LNPEP: variants seen among roughly 807,000 people sequenced by gnomAD.
LNPEP encodes the protein leucyl-cystinyl aminopeptidase.
A neutral mutation model predicts 120.6 loss-of-function variants in LNPEP; 64 were observed. That is an observed-to-expected ratio of 0.53 (90% CI 0.43 to 0.65). The LOEUF is 0.65. Among genes scored for constraint, LNPEP ranks in the 30% least tolerant of loss-of-function variants. The probability of loss-of-function intolerance (pLI) is 0.00; values close to 1 mark genes in which losing one functional copy is unlikely to be tolerated. For missense variants in LNPEP, 1,057 were observed against 1,200.0 expected (o/e 0.88, Z 1.76); for synonymous variants, 435 against 425.4 (o/e 1.02, Z -0.28).
At chr5:96,968,447 G>C in intron 1 of LNPEP, among the ~76,000 whole-genome samples, 1 of 151,984 alleles carries the variant, frequency 6.6e-6, no homozygotes, top group East Asian at 1.9e-4. Flanking sequence ...GACTTACCCT[G>C]GGGGGAAAGT....
intron 1 of LNPEP, among the ~76,000 whole-genome samples, chr5:96,954,463 G>A (rs1427403310): frequency 6.6e-6 from 1 of 151,822 alleles, no homozygotes; most frequent in Non-Finnish European, 1.5e-5. Flanking sequence ...AATTTGTGGA[G>A]CAAAGACCTG....
At chr5:96,993,776 AG>A in intron 5 of LNPEP, 40 bp from the exon 6 acceptor site, 5 of 1,593,864 alleles carry the variant, frequency 3.1e-6, no homozygotes, top group Non-Finnish European at 4.3e-6. Flanking sequence ...AAAATGCCTA[AG>A]ATGAGGGAAA....
intron 6 of LNPEP, 31 bp from the exon 7 acceptor site, chr5:96,996,359 C>A (rs936280286): frequency 1.7e-6 from 2 of 1,206,676 alleles, no homozygotes; most frequent in Non-Finnish European, 2.4e-6. Flanking sequence ...CTGTAAATAT[C>A]CTGTGGGTTA....
At chr5:96,943,001 CCTACCAAGA>C (rs1177597763) in intron 1 of LNPEP, 2 of 171,780 alleles carry the variant, frequency 1.2e-5, no homozygotes, top group African/African-American at 4.8e-5. Flanking sequence ...AGTTTGAATG[CCTACCAAGA>C]CTTTGAGAAA....
intron 14 of LNPEP, among the ~76,000 whole-genome samples, chr5:97,023,719 G>C (rs1303612396): frequency 1.3e-5 from 2 of 152,066 alleles, no homozygotes; most frequent in African/African-American, 4.8e-5. Flanking sequence ...TAGAGACCCT[G>C]CTTTCAATTC....
chr5:97,026,798 G>A, intron 16 of LNPEP, 41 bp downstream of exon 16: 1 of 1,558,820 alleles, frequency 6.4e-7, no homozygotes, highest in Non-Finnish European at 8.8e-7. Context: ...GTATTCTCAA[G>A]TTGTGCATTT....
intron 1 of LNPEP, among the ~76,000 whole-genome samples, chr5:96,952,656 G>C (rs1202378639): frequency 6.6e-6 from 1 of 152,200 alleles, no homozygotes; most frequent in Non-Finnish European, 1.5e-5. Context: ...GCCCTAGATG[G>C]TGCTAAAGTA....
intron 11 of LNPEP, among the ~76,000 whole-genome samples, chr5:97,012,629 A>G (rs1214871351): frequency 6.6e-6 from 1 of 152,210 alleles, no homozygotes; most frequent in African/African-American, 2.4e-5. Context: ...CAAGATGCTT[A>G]GAAGCATACC....
At chr5:97,005,359 T>C (rs986006218) in intron 9 of LNPEP, among the ~76,000 whole-genome samples, 11 of 152,134 alleles carry the variant, frequency 7.2e-5, no homozygotes, top group Non-Finnish European at 1.6e-4. Flanking sequence ...TCTTAGTTAT[T>C]GATACTAGAT....
intron 13 of LNPEP, among the ~76,000 whole-genome samples, chr5:97,019,315 A>G (rs1197873667): frequency 6.6e-6 from 1 of 152,174 alleles, no homozygotes; most frequent in African/African-American, 2.4e-5. Context: ...TTGGATCCTT[A>G]GAAAAACATT....
At chr5:96,981,772 T>C (rs1316749441) in intron 2 of LNPEP, among the ~76,000 whole-genome samples, 1 of 152,196 alleles carries the variant, frequency 6.6e-6, no homozygotes, top group Admixed American at 6.5e-5. Flanking sequence ...AGACAGTCAG[T>C]AACCTTGGAG....
At chr5:96,986,488 T>A (rs773810814) in intron 3 of LNPEP, 51 bp from the exon 4 acceptor site, 7 of 1,550,340 alleles carry the variant, frequency 4.5e-6, no homozygotes, top group Non-Finnish European at 6.2e-6. Context: ...TTGTTTGTTA[T>A]TGCCATTTAT....
At chr5:96,957,213 G>A (rs763433761) in intron 1 of LNPEP, among the ~76,000 whole-genome samples, 6 of 152,254 alleles carry the variant, frequency 3.9e-5, no homozygotes, top group East Asian at 1.9e-4. Context: ...GTTATATTGT[G>A]TAGACTCTTT....
intron 14 of LNPEP, 152 bp downstream of exon 14, chr5:97,022,636 CT>C (rs565546082): frequency 0.17 from 78,518 of 474,028 alleles, 295 homozygotes; most frequent in Middle Eastern, 0.21. Flanking sequence ...TCAAACAAGA[CT>C]TTTTTTTTTT....
intron 1 of LNPEP, among the ~76,000 whole-genome samples, chr5:96,971,986 A>G (rs1789876650): frequency 2.0e-5 from 3 of 152,128 alleles, no homozygotes; most frequent in Admixed American, 1.3e-4. Flanking sequence ...TTGTTTACTT[A>G]GGGTTCACAT....
intron 11 of LNPEP, 127 bp from the exon 12 acceptor site, chr5:97,013,521 G>T: frequency 2.1e-6 from 1 of 486,738 alleles, no homozygotes; most frequent in Non-Finnish European, 3.6e-6. Flanking sequence ...TGTACTTGGA[G>T]ACAGGCATTT....
At chr5:96,940,066 T>C (rs1789017244) in intron 1 of LNPEP, among the ~76,000 whole-genome samples, 1 of 152,164 alleles carries the variant, frequency 6.6e-6, no homozygotes, top group Non-Finnish European at 1.5e-5. Context: ...TTAATTTTAT[T>C]TGGGGGAAAT....
intron 1 of LNPEP, among the ~76,000 whole-genome samples, chr5:96,968,923 G>A (rs1232174696): frequency 6.6e-6 from 1 of 152,056 alleles, no homozygotes; most frequent in Non-Finnish European, 1.5e-5. Flanking sequence ...GAGAGCTGAG[G>A]ACCAATTTAG....
intron 8 of LNPEP, among the ~76,000 whole-genome samples, chr5:97,000,427 G>T (rs1191230154): frequency 2.1e-5 from 3 of 141,738 alleles, no homozygotes; most frequent in African/African-American, 8.0e-5. Context: ...TGGGAACTTG[G>T]GTTTTGGGAA....
Sources: allele counts gnomAD v4.1 joint callset (sites outside exome capture counted in the v4.1 genomes callset), GRCh38; gene constraint gnomAD v4.1.1; transcripts MANE v1.5; gene names NCBI Gene and HGNC (gene_info 2026-07-23, HGNC 2026-07-21).